Variants in PRORP observed in about 807,000 individuals in gnomAD.
PRORP encodes the protein protein only RNase P catalytic subunit.
PRORP carries 51 observed loss-of-function variants against 59.4 expected under a neutral mutation model. The observed-to-expected ratio is 0.86, with a 90% CI of 0.69 to 1.08. The LOEUF is 1.08. PRORP is among the 50% of genes least tolerant of loss of function. PRORP has a pLI of 0.00. For missense variants in PRORP, 646 were observed against 690.3 expected (o/e 0.94, Z 0.72); for synonymous variants, 231 against 245.6 (o/e 0.94, Z 0.55).
chr14:35,154,693 G>C (rs950554295), intron 4 of PRORP, among the ~76,000 whole-genome samples: 8 of 118,632 alleles, frequency 6.7e-5, no homozygotes, highest in African/African-American at 2.7e-4. Context: ...TCCAATAAAT[G>C]AATTGCCAAA....
Position 35,173,956 on chromosome 14 carries a change from T to C in PRORP, c.1168-6714T>C, listed in dbSNP as rs2048381483. Among the ~76,000 whole-genome samples, 4 of 152,146 alleles carry C rather than the reference T, an allele frequency of 2.6e-5. No homozygotes were observed. In the South Asian group the frequency reaches 8.3e-4, roughly 32 times the overall value. On this transcript the variant is annotated intron_variant, in intron 4 of 7. Coordinates refer to ENST00000534898, the MANE Select transcript of PRORP (RefSeq NM_014672.4). ...GCTGGGACTCCGTTGGACTGTCAGA[T>C]GGAACACTTACATATAACGTCTACT...
At chr14:35,243,750 C>T (rs1364795996) in intron 5 of PRORP, among the ~76,000 whole-genome samples, 1 of 151,942 alleles carries the variant, frequency 6.6e-6, no homozygotes, top group Non-Finnish European at 1.5e-5. Flanking sequence ...GCTCAGTTTC[C>T]CCATAAGTAA....
intron 5 of PRORP, among the ~76,000 whole-genome samples, chr14:35,224,460 A>G (rs2049881177): frequency 6.6e-6 from 1 of 152,162 alleles, no homozygotes; most frequent in Non-Finnish European, 1.5e-5. Flanking sequence ...CCATTTTACT[A>G]ATGGATGAGG....
intron 5 of PRORP, among the ~76,000 whole-genome samples, chr14:35,260,006 T>TG (rs1313598096): frequency 6.8e-6 from 1 of 146,256 alleles, no homozygotes; most frequent in Non-Finnish European, 1.5e-5. Context: ...TTTTTTTTTT[T>TG]TTTTTTTTTG....
intron 5 of PRORP, among the ~76,000 whole-genome samples, chr14:35,229,997 T>A (rs560609073): frequency 3.6e-4 from 55 of 151,990 alleles, no homozygotes; most frequent in Middle Eastern, 3.4e-3. Context: ...TCTGGGTACA[T>A]ATTTTTTTTC....
intron 5 of PRORP, among the ~76,000 whole-genome samples, chr14:35,237,890 G>C (rs927510582): frequency 1.3e-5 from 2 of 152,000 alleles, no homozygotes; most frequent in Admixed American, 1.3e-4. Flanking sequence ...TCCTGACCTT[G>C]TGCTCCACCC....
At position 35,141,956 on chromosome 14, in the gene PRORP, G is replaced by A. The variant is rs1185203705; in HGVS notation, c.1167+14345G>A. Among the ~76,000 whole-genome samples, 4 of 144,982 alleles carry A rather than the reference G, an allele frequency of 2.8e-5. 1 individual carries two copies. In the East Asian group the frequency reaches 9.4e-4, roughly 34 times the overall value. ...TGCAATGGCACGATTTCGGCTCACT[G>A]CAACCTCTGCCTCCTGGGTTCAAAC... On this transcript the variant is annotated intron_variant, in intron 4 of 7. Coordinates refer to ENST00000534898, the MANE Select transcript of PRORP (RefSeq NM_014672.4).
intron 5 of PRORP, among the ~76,000 whole-genome samples, chr14:35,243,139 G>A (rs1432771978): frequency 6.6e-6 from 1 of 152,210 alleles, no homozygotes; most frequent in African/African-American, 2.4e-5. Flanking sequence ...GAAATACAGT[G>A]TTAGGTTTCC....
intron 4 of PRORP, among the ~76,000 whole-genome samples, chr14:35,128,038 T>C (rs970210475): frequency 1.3e-5 from 2 of 152,224 alleles, no homozygotes; most frequent in Admixed American, 1.3e-4. Flanking sequence ...CATGAAAACA[T>C]TGTAGTTTCT....
chr14:35,261,072 G>C (rs1160698511), intron 5 of PRORP, among the ~76,000 whole-genome samples: 1 of 152,166 alleles, frequency 6.6e-6, no homozygotes, highest in Non-Finnish European at 1.5e-5. Flanking sequence ...TTCTGAGTAA[G>C]ACTGCCTCTT....
At chr14:35,157,209 C>T (rs1215543693) in intron 4 of PRORP, among the ~76,000 whole-genome samples, 1 of 152,116 alleles carries the variant, frequency 6.6e-6, no homozygotes, top group East Asian at 1.9e-4. Context: ...CCCGCCTCGG[C>T]CTCTCAAAGT....
chr14:35,146,993 A>G (rs1566455547), intron 4 of PRORP, among the ~76,000 whole-genome samples: 1 of 151,998 alleles, frequency 6.6e-6, no homozygotes, highest in East Asian at 1.9e-4. Context: ...GCTACTTTGG[A>G]AGGCTGAGTT....
chr14:35,132,458 C>CA (rs1407307121), intron 4 of PRORP, among the ~76,000 whole-genome samples: 1 of 149,224 alleles, frequency 6.7e-6, no homozygotes, highest in Non-Finnish European at 1.5e-5. Flanking sequence ...ATCTCCATCT[C>CA]AAAAAAATAA....
chr14:35,188,316 G>A (rs2048794287), intron 5 of PRORP, among the ~76,000 whole-genome samples: 1 of 150,400 alleles, frequency 6.6e-6, no homozygotes. Context: ...TTAGCCTCCT[G>A]AGTAGCTGGG....
intron 3 of PRORP, among the ~76,000 whole-genome samples, chr14:35,127,069 G>A (rs1336741852): frequency 6.6e-6 from 1 of 152,106 alleles, no homozygotes; most frequent in African/African-American, 2.4e-5. Context: ...TCACCAATAT[G>A]ATATTCCAGA....
At chr14:35,141,134 T>C (rs1176161118) in intron 4 of PRORP, among the ~76,000 whole-genome samples, 6 of 146,064 alleles carry the variant, frequency 4.1e-5, no homozygotes, top group African/African-American at 1.5e-4. Flanking sequence ...CTGACACTAA[T>C]TGAGTGGGCA....
Position 35,253,343 on chromosome 14 carries a change from A to AG in PRORP, c.1276-13384_1276-13383insG, listed in dbSNP as rs1296892767. 5.4e-3 allele frequency among the ~76,000 whole-genome samples: 770 copies of AG among 143,140 alleles called. 10 individuals are homozygous for AG. The highest frequency in any genetic ancestry group is 0.018 in the African/African-American group (689 of 37,400). 93.9% of individuals were successfully genotyped at this position (143,140 alleles called of 152,430 possible). A position where few individuals can be genotyped will look rare whatever the true frequency, so the allele number is the denominator to read the frequency against. On this transcript the variant is annotated intron_variant, in intron 5 of 7. Transcript: ENST00000534898. ...AATGAGACTGTTTCAAAAAAAAAAA[A>AG]AGAGAGAGAGAGAGAAAGAAAGAAA...
chr14:35,172,202 C>G (rs1218136807), intron 4 of PRORP, among the ~76,000 whole-genome samples: 2 of 151,798 alleles, frequency 1.3e-5, no homozygotes, highest in Non-Finnish European at 2.9e-5. Context: ...GTGCCCACCA[C>G]CACATCCGGC....
chr14:35,149,339 C>T (rs1280531730), intron 4 of PRORP, among the ~76,000 whole-genome samples: 1 of 151,946 alleles, frequency 6.6e-6, no homozygotes, highest in Non-Finnish European at 1.5e-5. Flanking sequence ...CTAGGCCTCC[C>T]AAGTAGCTAG....
Sources: allele counts gnomAD v4.1 joint callset (sites outside exome capture counted in the v4.1 genomes callset), GRCh38; gene constraint gnomAD v4.1.1; transcripts MANE v1.5; gene names NCBI Gene and HGNC (gene_info 2026-07-23, HGNC 2026-07-21).